MCF2L2: variants seen among roughly 807,000 people sequenced by gnomAD.
MCF2L2 encodes MCF.2 cell line derived transforming sequence-like 2.
In MCF2L2, 102 loss-of-function variants were observed where a neutral mutation model predicts 150.2. The observed-to-expected ratio is 0.68, with a 90% CI of 0.58 to 0.80. The LOEUF is 0.80. Ranked by LOEUF, MCF2L2 falls within the 30% of genes least tolerant of loss-of-function variation. The probability of loss-of-function intolerance (pLI) is 0.00; values close to 1 mark genes in which losing one functional copy is unlikely to be tolerated. For missense variants in MCF2L2, 1,256 were observed against 1,372.8 expected (o/e 0.91, Z 1.34); for synonymous variants, 465 against 491.3 (o/e 0.95, Z 0.71).
chr3:183,260,468 A>T (rs1725481275), intron 15 of MCF2L2, among the ~76,000 whole-genome samples: 1 of 152,104 alleles, frequency 6.6e-6, no homozygotes, highest in Admixed American at 6.5e-5. Context: ...CGAGTGTTTG[A>T]CCTCTCTGAG....
At chr3:183,366,454 G>A (rs1162425947) in intron 3 of MCF2L2, among the ~76,000 whole-genome samples, 3 of 152,160 alleles carry the variant, frequency 2.0e-5, no homozygotes, top group African/African-American at 4.8e-5. Context: ...AGACCAGCCT[G>A]GCCAACATGG....
intron 7 of MCF2L2, among the ~76,000 whole-genome samples, chr3:183,316,689 T>A (rs545866493): frequency 7.8e-4 from 116 of 149,188 alleles, no homozygotes; most frequent in Non-Finnish European, 1.4e-3. Flanking sequence ...TGGAATATAT[T>A]TTTTCTCTTT....
At chr3:183,333,535 G>A (rs958935887) in intron 5 of MCF2L2, among the ~76,000 whole-genome samples, 4 of 152,072 alleles carry the variant, frequency 2.6e-5, no homozygotes, top group African/African-American at 4.8e-5. Flanking sequence ...TGTATATCTT[G>A]TGTATCCTTC....
chr3:183,246,460 C>T (rs772615462), intron 15 of MCF2L2, among the ~76,000 whole-genome samples: 22 of 152,182 alleles, frequency 1.4e-4, no homozygotes, highest in Non-Finnish European at 2.6e-4. Flanking sequence ...TGGTGTCTGG[C>T]TTATTTCACG....
At chr3:183,268,528 T>C (rs538124157) in intron 15 of MCF2L2, among the ~76,000 whole-genome samples, 1 of 152,016 alleles carries the variant, frequency 6.6e-6, no homozygotes, top group Non-Finnish European at 1.5e-5. Context: ...CGGTTCCAGA[T>C]TTCAGGCATA....
intron 3 of MCF2L2, among the ~76,000 whole-genome samples, chr3:183,347,842 C>T (rs1026497395): frequency 1.5e-4 from 23 of 152,066 alleles, no homozygotes; most frequent in African/African-American, 5.6e-4. Context: ...AAATCAAAAC[C>T]ACAATGAGAT....
At chr3:183,360,426 G>A (rs955111116) in intron 3 of MCF2L2, among the ~76,000 whole-genome samples, 11 of 152,016 alleles carry the variant, frequency 7.2e-5, no homozygotes. Flanking sequence ...AAAATTAGCT[G>A]AGCATGGTGG....
At chr3:183,234,341 T>C (rs1362040706) in intron 15 of MCF2L2, among the ~76,000 whole-genome samples, 2 of 152,168 alleles carry the variant, frequency 1.3e-5, no homozygotes, top group Non-Finnish European at 2.9e-5. Context: ...CCAAAAATGA[T>C]CTATGAACTT....
intron 7 of MCF2L2, among the ~76,000 whole-genome samples, chr3:183,314,279 AT>A (rs1186318883): frequency 6.6e-6 from 1 of 152,112 alleles, no homozygotes. Context: ...GAAAGAATTT[AT>A]GTTTCTGGGG....
chr3:183,264,077 TG>T (rs112365999), intron 15 of MCF2L2, among the ~76,000 whole-genome samples: 2,602 of 152,254 alleles, frequency 0.017, 88 homozygotes, highest in African/African-American at 0.06. Flanking sequence ...TAATAAATAC[TG>T]AGCAAGGGAG....
intron 22 of MCF2L2, 95 bp from the exon 23 acceptor site, chr3:183,207,918 T>C: frequency 2.2e-6 from 2 of 901,084 alleles, no homozygotes; most frequent in Non-Finnish European, 3.4e-6. Flanking sequence ...TAAAGCATGC[T>C]TCTTTGAGGT....
chr3:183,251,682 T>C (rs1488709358), intron 15 of MCF2L2, among the ~76,000 whole-genome samples: 6 of 152,096 alleles, frequency 3.9e-5, no homozygotes, highest in Admixed American at 3.9e-4. Context: ...CTTCATGCAC[T>C]CCCTCTTGAT....
chr3:183,290,906 G>C (rs1317685278), intron 13 of MCF2L2, among the ~76,000 whole-genome samples: 1 of 152,162 alleles, frequency 6.6e-6, no homozygotes, highest in African/African-American at 2.4e-5. Flanking sequence ...CTGATTCTTA[G>C]CTATGGTAGA....
chr3:183,218,554 G>A (rs1000668237), intron 21 of MCF2L2, among the ~76,000 whole-genome samples: 1 of 152,138 alleles, frequency 6.6e-6, no homozygotes, highest in Non-Finnish European at 1.5e-5. Context: ...ATAATAGCTT[G>A]AACCCGGGAG....
chr3:183,295,307 G>A lies in MCF2L2; in HGVS notation c.1668C>T (p.Ser556=), dbSNP rs369318127. ...TTTCCTCAAATAACCTACCCGAGGT[G>A]GAGGGCTGGCTGGTTTTTGATGACA... The part of the protein sequence containing the change: ...KWVSSKTSQP[S]TSVPLARPLR... Residue 556 remains serine (S), a synonymous_variant, in exon 13 of 30, where the codon TCC becomes TCT. Coordinates refer to ENST00000328913, the MANE Select transcript of MCF2L2 (RefSeq NM_015078.4). 211 of 1,606,428 alleles carry A rather than the reference G, an allele frequency of 1.3e-4. No homozygotes were observed. The highest frequency in any genetic ancestry group is 8.7e-4 in the Middle Eastern group (5 of 5,772).
chr3:183,333,636 C>A lies in MCF2L2; in HGVS notation c.486+5164G>T, dbSNP rs1730353714. Among the ~76,000 whole-genome samples the A allele has an allele frequency of 9.2e-5, 14 of 152,222 alleles. No homozygotes were observed. The South Asian group carries it at 2.9e-3, about 32-fold the overall frequency. Reference sequence around the variant, plus strand: ...ATACACTGTTCTCCCCTTGACTTTACCCTCACTTAAATATACATCTTACAT... The same window carrying A: ...ATACACTGTTCTCCCCTTGACTTTAACCTCACTTAAATATACATCTTACAT... On this transcript the variant is annotated intron_variant, in intron 5 of 29. Coordinates refer to ENST00000328913, the MANE Select transcript of MCF2L2 (RefSeq NM_015078.4).
chr3:183,360,099 C>G lies in MCF2L2; in HGVS notation c.276-18469G>C, dbSNP rs113110768. ...CGATGCTGTTAACACTGCAGAAAAA[C>G]GTGCCTAGAAGACACGGTGAAAATG... is the stretch of plus-strand genomic sequence containing the variant. On this transcript the variant is annotated intron_variant, in intron 3 of 29. Coordinates refer to ENST00000328913, the MANE Select transcript of MCF2L2 (RefSeq NM_015078.4). Among the ~76,000 whole-genome samples, 30 of 152,266 alleles carry G rather than the reference C, an allele frequency of 2.0e-4. 1 individual carries two copies. The Middle Eastern group carries it at 0.01, about 52-fold the overall frequency.
chr3:183,420,807 G>A (rs1370592212), intron 1 of MCF2L2, among the ~76,000 whole-genome samples: 3 of 152,132 alleles, frequency 2.0e-5, no homozygotes, highest in East Asian at 3.9e-4. Flanking sequence ...ATCAGAACCC[G>A]TGAGAGCTCC....
intron 15 of MCF2L2, among the ~76,000 whole-genome samples, chr3:183,268,672 T>A (rs577705368): frequency 6.6e-6 from 1 of 152,188 alleles, no homozygotes; most frequent in African/African-American, 2.4e-5. Flanking sequence ...CTACTTCCCT[T>A]CATTTGTCAT....
Sources: gnomAD v4.1 joint callset for allele counts (sites outside exome capture counted in the v4.1 genomes callset) on GRCh38, gnomAD v4.1.1 for gene constraint, MANE v1.5 for transcripts, NCBI Gene and HGNC (gene_info 2026-07-23, HGNC 2026-07-21) for gene names.